OPCML: variants seen among roughly 807,000 people sequenced by gnomAD.
The protein encoded by OPCML is opioid-binding protein/cell adhesion molecule.
OPCML carries 13 observed loss-of-function variants against 37.8 expected under a neutral mutation model. That is an observed-to-expected ratio of 0.34 (90% CI 0.22 to 0.55). The LOEUF (loss-of-function observed/expected upper bound fraction) is 0.55. Among genes scored for constraint, OPCML ranks in the 20% least tolerant of loss-of-function variants. OPCML has a pLI of 0.91. For synonymous variants in OPCML, 176 were observed against 168.8 expected, an observed-to-expected ratio of 1.04 and a Z score of -0.33; for missense variants, 341 against 435.6, an observed-to-expected ratio of 0.78 and a Z score of 1.93.
intron 1 of OPCML, among the ~76,000 whole-genome samples, chr11:132,998,411 C>T (rs1946926886): frequency 6.6e-6 from 1 of 152,116 alleles, no homozygotes; most frequent in Admixed American, 6.5e-5. Flanking sequence ...CTACTCTGGG[C>T]CTACTCATGC....
intron 1 of OPCML, among the ~76,000 whole-genome samples, chr11:133,319,636 C>G (rs975784337): frequency 1.3e-5 from 2 of 152,212 alleles, no homozygotes; most frequent in Non-Finnish European, 1.5e-5. Flanking sequence ...TCTCGGCCCT[C>G]GTCTGCCACA....
intron 1 of OPCML, among the ~76,000 whole-genome samples, chr11:133,219,246 C>T (rs764114341): frequency 2.0e-5 from 3 of 152,136 alleles, no homozygotes; most frequent in African/African-American, 4.8e-5. Flanking sequence ...GGCTGATAGC[C>T]AGAAATAGTC....
At chr11:133,097,679 G>A (rs1949024579) in intron 1 of OPCML, among the ~76,000 whole-genome samples, 1 of 152,064 alleles carries the variant, frequency 6.6e-6, no homozygotes, top group South Asian at 2.1e-4. Context: ...AGAAATGAAA[G>A]AAGGGACATC....
In OPCML at chr11:133,208,625, A is replaced by G. The variant is rs1417273752; in HGVS notation, c.62-265615T>C. On this transcript the variant is annotated intron_variant, in intron 1 of 7. Coordinates refer to ENST00000524381, the MANE Select transcript of OPCML (RefSeq NM_001012393.5). The surrounding 1 kb of genome is among the most constrained non-coding windows in gnomAD (Gnocchi z 8.9). ...TTGACACATATTTGACATGCATCTC[A>G]CCTCGAGTTATCCTTTGTCTGCTGT... is the stretch of plus-strand genomic sequence containing the variant. Among the ~76,000 whole-genome samples the G allele has an allele frequency of 1.3e-5, 2 of 152,206 alleles. No individual in the cohort carries two copies. Among genetic ancestry groups the G allele is most frequent in the Non-Finnish European group, 2.9e-5 (2 of 68,040 alleles).
At chr11:133,396,940 G>A (rs1433162214) in intron 1 of OPCML, among the ~76,000 whole-genome samples, 1 of 152,154 alleles carries the variant, frequency 6.6e-6, no homozygotes, top group Non-Finnish European at 1.5e-5. Context: ...GAAATATGTA[G>A]GATTGGTTTG....
chr11:133,074,572 C>T (rs1948592519), intron 1 of OPCML, among the ~76,000 whole-genome samples: 1 of 152,016 alleles, frequency 6.6e-6, no homozygotes, highest in African/African-American at 2.4e-5. Flanking sequence ...TTGAGGTTGG[C>T]TTCCAGGAGG....
At chr11:132,818,617 G>GATA (rs1228241400) in intron 2 of OPCML, among the ~76,000 whole-genome samples, 2 of 30,378 alleles carry the variant, frequency 6.6e-5, no homozygotes, top group East Asian at 1.8e-3. Flanking sequence ...ATGATAGATA[G>GATA]ATAGATAAAC....
At chr11:132,937,353 A>T (rs1337704076) in intron 2 of OPCML, among the ~76,000 whole-genome samples, 1 of 152,224 alleles carries the variant, frequency 6.6e-6, no homozygotes, top group African/African-American at 2.4e-5. Flanking sequence ...TAAAAAGGTT[A>T]AACAATTACC....
At chr11:132,507,303 T>C (rs970035801) in intron 4 of OPCML, among the ~76,000 whole-genome samples, 2 of 152,048 alleles carry the variant, frequency 1.3e-5, no homozygotes, top group African/African-American at 4.8e-5. Flanking sequence ...CAATGCAATA[T>C]GGCTATGCAC....
intron 1 of OPCML, among the ~76,000 whole-genome samples, chr11:133,246,720 G>A (rs1214898119): frequency 2.0e-5 from 3 of 152,296 alleles, no homozygotes; most frequent in East Asian, 3.9e-4. Flanking sequence ...TTTTGAGTAA[G>A]GAACTATAAA....
chr11:133,503,557 C>T (rs563028732), intron 1 of OPCML, among the ~76,000 whole-genome samples: 6 of 152,306 alleles, frequency 3.9e-5, no homozygotes, highest in Non-Finnish European at 8.8e-5. Flanking sequence ...ATATATGATA[C>T]TGTCCACTTA....
chr11:133,047,798 A>AT (rs1486082274), intron 1 of OPCML, among the ~76,000 whole-genome samples: 1 of 152,272 alleles, frequency 6.6e-6, no homozygotes, highest in Non-Finnish European at 1.5e-5. Context: ...ATGAGAAGAC[A>AT]GATAACAGAG....
chr11:133,178,538 C>T (rs942994588), intron 1 of OPCML, among the ~76,000 whole-genome samples: 1 of 152,048 alleles, frequency 6.6e-6, no homozygotes, highest in Admixed American at 6.5e-5. Context: ...CCTCTGGGCT[C>T]GTTGGGGAAA....
intron 2 of OPCML, among the ~76,000 whole-genome samples, chr11:132,811,572 G>C (rs1488928369): frequency 6.6e-6 from 1 of 152,092 alleles, no homozygotes; most frequent in Non-Finnish European, 1.5e-5. Flanking sequence ...ACGGTTTTGT[G>C]TATTTTTTCT....
intron 1 of OPCML, among the ~76,000 whole-genome samples, chr11:133,213,404 A>T (rs1170487510): frequency 6.6e-6 from 1 of 152,180 alleles, no homozygotes; most frequent in Non-Finnish European, 1.5e-5. Flanking sequence ...GTAGAAAGAC[A>T]TCTCTATAGG....
intron 1 of OPCML, among the ~76,000 whole-genome samples, chr11:133,079,217 T>C (rs764507365): frequency 5.2e-4 from 79 of 152,180 alleles, no homozygotes; most frequent in Non-Finnish European, 9.3e-4. Flanking sequence ...TAAGCTAGTG[T>C]AAGTAACGAG....
At position 133,442,725 on chromosome 11, in the gene OPCML, A is replaced by ACG. The variant is rs1946388299; in HGVS notation, c.61+89537_61+89538dup. On this transcript the variant is annotated intron_variant, in intron 1 of 7. Coordinates refer to ENST00000524381, the MANE Select transcript of OPCML (RefSeq NM_001012393.5). ...CGATTGCAAAAGCAAACATATTTAA[A>ACG]CGTGTGTGTGTGTGTGTGTGTGTGT... 3.2e-5 allele frequency among the ~76,000 whole-genome samples: 3 copies of ACG among 94,352 alleles called. No homozygotes were observed. The South Asian group carries it at 1.1e-3, about 33-fold the overall frequency. 61.9% of individuals were successfully genotyped at this position (94,352 alleles called of 152,430 possible). A position where few individuals can be genotyped will look rare whatever the true frequency, so the allele number is the denominator to read the frequency against.
At chr11:133,042,579 T>C (rs2136948983) in intron 1 of OPCML, among the ~76,000 whole-genome samples, 2 of 152,234 alleles carry the variant, frequency 1.3e-5, no homozygotes, top group Middle Eastern at 6.8e-3. Context: ...CCAAACACAG[T>C]TCCCACACTG....
intron 2 of OPCML, chr11:132,772,278 AT>A (rs759139655): frequency 1.3e-4 from 20 of 152,206 alleles, no homozygotes; most frequent in Non-Finnish European, 2.6e-4. Context: ...CATTTCTAAA[AT>A]TGCACCCTAG....
Sources: allele counts gnomAD v4.1 joint callset (sites outside exome capture counted in the v4.1 genomes callset), GRCh38; gene constraint gnomAD v4.1.1; non-coding constraint Gnocchi (gnomAD v3.1); transcripts MANE v1.5; gene names NCBI Gene and HGNC (gene_info 2026-07-23, HGNC 2026-07-21).